Variants in ARHGAP32 observed in about 807,000 individuals in gnomAD.
The protein encoded by ARHGAP32 is Rho GTPase activating protein 32.
ARHGAP32 carries 51 observed loss-of-function variants against 186.5 expected under a neutral mutation model. That is an observed-to-expected ratio of 0.27 (90% CI 0.22 to 0.35). The LOEUF (loss-of-function observed/expected upper bound fraction) is 0.35, where lower values mean the gene tolerates loss of function less well. ARHGAP32 is among the 10% of genes least tolerant of loss of function. The pLI, the probability that ARHGAP32 is intolerant of heterozygous loss-of-function variation, is 1.00. For missense variants in ARHGAP32, 2,186 were observed against 2,623.5 expected, an observed-to-expected ratio of 0.83 and a Z score of 3.64; for synonymous variants, 950 against 964.3, an observed-to-expected ratio of 0.99 and a Z score of 0.27.
At chr11:129,244,079 T>C (rs1945055188) in intron 1 of ARHGAP32, among the ~76,000 whole-genome samples, 1 of 152,178 alleles carries the variant, frequency 6.6e-6, no homozygotes, top group Non-Finnish European at 1.5e-5. Flanking sequence ...ACAACAGCAG[T>C]TGCAGTGGCA....
In ARHGAP32 at chr11:128,974,902, A is replaced by G. The variant is rs762065074; in HGVS notation, c.2295T>C (p.Tyr765=). Residue 765 remains tyrosine, a synonymous_variant, in exon 21 of 23, where the codon TAT becomes TAC. Transcript: ENST00000682385. The part of the protein sequence containing the change: ...GEMLGNRCNS[Y]DNLPHDNESE... ...TCTCATTGTCATGAGGCAGATTATC[A>G]TAGGAGTTACAGCGGTTCCCCAGCA... 2.5e-6 allele frequency: 4 copies of G among 1,614,190 alleles called. No individual in the cohort carries two copies. The highest frequency in any genetic ancestry group is 1.7e-5 in the Admixed American group (1 of 60,032).
intron 1 of ARHGAP32, among the ~76,000 whole-genome samples, chr11:129,238,754 T>A (rs1333275010): frequency 3.5e-4 from 16 of 45,806 alleles, no homozygotes; most frequent in Non-Finnish European, 4.9e-4. Context: ...GAACTTATTT[T>A]AAACACACAC....
chr11:129,094,954 ATACT>A (rs1209885008), intron 5 of ARHGAP32, among the ~76,000 whole-genome samples: 1 of 152,204 alleles, frequency 6.6e-6, no homozygotes, highest in African/African-American at 2.4e-5. Flanking sequence ...CAGGTAACTA[ATACT>A]TAATAAATGT....
intron 5 of ARHGAP32, among the ~76,000 whole-genome samples, chr11:129,116,221 T>G (rs181479329): frequency 1.3e-5 from 2 of 152,158 alleles, no homozygotes; most frequent in African/African-American, 4.8e-5. Flanking sequence ...CATCTCAGAC[T>G]CTTCACAGTT....
At chr11:129,273,745 T>C (rs1433134956) in intron 1 of ARHGAP32, among the ~76,000 whole-genome samples, 4 of 152,162 alleles carry the variant, frequency 2.6e-5, no homozygotes, top group Non-Finnish European at 4.4e-5. Flanking sequence ...ATAAAAGCAG[T>C]GGAGTCAAAT....
At chr11:129,174,946 G>A (rs1312620391) in intron 1 of ARHGAP32, among the ~76,000 whole-genome samples, 7 of 146,176 alleles carry the variant, frequency 4.8e-5, no homozygotes, top group African/African-American at 1.8e-4. Flanking sequence ...GATGGAGAAT[G>A]ACTTTGACGA....
chr11:128,978,268 T>C (rs1056076234), intron 19 of ARHGAP32, among the ~76,000 whole-genome samples: 2 of 152,204 alleles, frequency 1.3e-5, no homozygotes, highest in Non-Finnish European at 2.9e-5. Flanking sequence ...TTAATATCAA[T>C]AGAATATGGC....
At chr11:128,996,587 T>G (rs1397983765) in intron 12 of ARHGAP32, among the ~76,000 whole-genome samples, 1 of 152,194 alleles carries the variant, frequency 6.6e-6, no homozygotes, top group Non-Finnish European at 1.5e-5. Context: ...TTCAGTATGA[T>G]GAAGTGTGAA....
At chr11:129,136,933 C>G in intron 2 of ARHGAP32, among the ~76,000 whole-genome samples, 1 of 151,796 alleles carries the variant, frequency 6.6e-6, no homozygotes, top group East Asian at 1.9e-4. Context: ...GACAAAAGTA[C>G]AAAATGCCAT....
intron 8 of ARHGAP32, 114 bp from the exon 9 acceptor site, chr11:129,064,138 T>TA (rs61104154): frequency 0.56 from 355,020 of 636,906 alleles, 72,348 homozygotes; most frequent in African/African-American, 0.67. Context: ...CAAAGAGTCT[T>TA]AAAAAAAAAA....
rs1565416702 is a variant in ARHGAP32, at chr11:129,088,994, T to TGA, written c.531+4626_531+4627insTC. 5.6e-4 allele frequency among the ~76,000 whole-genome samples: 37 copies of TGA among 65,576 alleles called. 2 individuals carry two copies. The highest frequency in any genetic ancestry group is 8.3e-4 in the East Asian group (2 of 2,404). The allele number at this position is 65,576 out of a possible 152,430, so 43.0% of individuals were successfully genotyped here. ...GCCTGGGTGACAGAGAGAGACCTTG[T>TGA]CAAAAAAAAAAAAAAAAAAAAAAAG... On this transcript the variant is annotated intron_variant, in intron 6 of 22. Coordinates refer to ENST00000682385, the MANE Select transcript of ARHGAP32 (RefSeq NM_001378024.1).
At chr11:129,011,045 G>C (rs1468114285) in intron 11 of ARHGAP32, among the ~76,000 whole-genome samples, 1 of 152,182 alleles carries the variant, frequency 6.6e-6, no homozygotes, top group Non-Finnish European at 1.5e-5. Flanking sequence ...TCTAAGTCAT[G>C]AGATTACGAT....
intron 1 of ARHGAP32, among the ~76,000 whole-genome samples, chr11:129,174,685 G>C (rs895504274): frequency 5.3e-5 from 8 of 152,166 alleles, no homozygotes; most frequent in African/African-American, 1.7e-4. Flanking sequence ...GGGGCAGTCT[G>C]ACACCTCACA....
rs968631050 is a variant in ARHGAP32 at position 128,965,370 on chromosome 11, A to T, written c.*3537T>A. 2.6e-5 allele frequency: 4 copies of T among 152,162 alleles called. No individual in the cohort carries two copies. The highest frequency in any genetic ancestry group is 9.7e-5 in the African/African-American group (4 of 41,392). The allele number at this position is 152,162 out of a possible 1,614,324, so 9.4% of individuals were successfully genotyped here. A position where few individuals can be genotyped will look rare whatever the true frequency, so the allele number is the denominator to read the frequency against. On this transcript the variant is annotated 3_prime_UTR_variant, in exon 23 of 23. Transcript: ENST00000682385. ...CACCAGTTCACAAAAATATTAAGAC[A>T]TAAAAAAACACTATATAAATTAAAA...
chr11:129,141,416 G>A (rs1943049622), intron 2 of ARHGAP32, among the ~76,000 whole-genome samples: 1 of 152,002 alleles, frequency 6.6e-6, no homozygotes, highest in South Asian at 2.1e-4. Flanking sequence ...GGTGGGAATT[G>A]AACAATGAGA....
At chr11:129,095,650 C>T (rs1396036092) in intron 5 of ARHGAP32, among the ~76,000 whole-genome samples, 1 of 152,188 alleles carries the variant, frequency 6.6e-6, no homozygotes, top group Non-Finnish European at 1.5e-5. Context: ...CACTCAACAA[C>T]TGAAGGATGG....
chr11:128,989,668 A>G (rs1945989563), intron 12 of ARHGAP32, among the ~76,000 whole-genome samples: 1 of 151,940 alleles, frequency 6.6e-6, no homozygotes, highest in Admixed American at 6.6e-5. Flanking sequence ...CCATCAACCC[A>G]TCATCTACAT....
chr11:129,023,912 T>G (rs1403180345), intron 11 of ARHGAP32: 2 of 985,254 alleles, frequency 2.0e-6, no homozygotes, highest in East Asian at 2.3e-4. Context: ...TCCAAATGAC[T>G]ATATTTAGCA....
chr11:129,188,681 C>G (rs2511812), intron 1 of ARHGAP32, among the ~76,000 whole-genome samples: 95,070 of 148,942 alleles, frequency 0.64, 30,267 homozygotes, highest in Non-Finnish European at 0.7. Flanking sequence ...TGCTATAAAT[C>G]AATAAAGGCA....
Sources: gnomAD v4.1 joint callset for allele counts (sites outside exome capture counted in the v4.1 genomes callset) on GRCh38, gnomAD v4.1.1 for gene constraint, MANE v1.5 for transcripts, NCBI Gene and HGNC (gene_info 2026-07-23, HGNC 2026-07-21) for gene names.